IMMP2L: variants seen among roughly 807,000 people sequenced by gnomAD.
IMMP2L encodes the protein inner mitochondrial membrane peptidase subunit 2, also known as mitochondrial inner membrane protease subunit 2.
Under a neutral mutation model 19.3 loss-of-function variants are expected in IMMP2L, and 18 were observed. The observed-to-expected ratio is 0.93, with a 90% CI of 0.64 to 1.38. IMMP2L has a LOEUF of 1.38. IMMP2L is among the 40% of genes most tolerant of loss of function. The pLI is 0.00. For missense variants in IMMP2L, 233 were observed against 218.2 expected (o/e 1.07, Z -0.43); for synonymous variants, 76 against 73.0 (o/e 1.04, Z -0.21).
At chr7:111,046,460 A>C (rs1278717323) in intron 3 of IMMP2L, among the ~76,000 whole-genome samples, 1 of 152,146 alleles carries the variant, frequency 6.6e-6, no homozygotes, top group Non-Finnish European at 1.5e-5. Flanking sequence ...GAACTGAATA[A>C]AGATATATAG....
intron 3 of IMMP2L, among the ~76,000 whole-genome samples, chr7:111,442,572 C>G (rs2131805714): frequency 6.6e-6 from 1 of 151,838 alleles, no homozygotes; most frequent in South Asian, 2.1e-4. Context: ...AGATACATCT[C>G]AAACCTTCAG....
intron 3 of IMMP2L, among the ~76,000 whole-genome samples, chr7:111,066,777 C>T (rs1794542474): frequency 6.6e-6 from 1 of 152,160 alleles, no homozygotes; most frequent in African/African-American, 2.4e-5. Context: ...GGCCTTGGGT[C>T]ATGCTAGAGA....
chr7:111,364,535 T>A (rs1416708020), intron 3 of IMMP2L, among the ~76,000 whole-genome samples: 1 of 150,796 alleles, frequency 6.6e-6, no homozygotes, highest in African/African-American at 2.4e-5. Flanking sequence ...CTCGGCAGGC[T>A]GAGACACAAG....
chr7:111,197,019 G>A (rs954953929), intron 3 of IMMP2L, among the ~76,000 whole-genome samples: 4 of 152,042 alleles, frequency 2.6e-5, no homozygotes, highest in Admixed American at 6.6e-5. Context: ...AAACTTCCAC[G>A]AACTCTCTTG....
Position 111,081,913 on chromosome 7 carries a change from A to G in IMMP2L, c.240-118348T>C, listed in dbSNP as rs76411107. Reference sequence around the variant, plus strand: ...AACCCTACTTTCCAGAGTGAGGAAGAAAGAATGATTGCCTGATATTTTAAG... The same window carrying G: ...AACCCTACTTTCCAGAGTGAGGAAGGAAGAATGATTGCCTGATATTTTAAG... On this transcript the variant is annotated intron_variant, in intron 3 of 5. Coordinates refer to ENST00000405709, the MANE Select transcript of IMMP2L (RefSeq NM_032549.4). Among the ~76,000 whole-genome samples the G allele has an allele frequency of 9.6e-3, 1,457 of 152,346 alleles. 24 individuals are homozygous for G. Among genetic ancestry groups the G allele is most frequent in the African/African-American group, 0.033 (1,375 of 41,572 alleles).
chr7:110,760,905 G>T lies in IMMP2L; in HGVS notation c.409-97184C>A, dbSNP rs938617490. On this transcript the variant is annotated intron_variant, in intron 5 of 5. Coordinates refer to ENST00000405709, the MANE Select transcript of IMMP2L (RefSeq NM_032549.4). This position sits in a 1 kb window ranked among gnomAD's most constrained non-coding sequence, Gnocchi z 4.2. The stretch of plus-strand genomic sequence containing the variant: ...CCAACAAGCCACAGGAGCCAGAGAA[G>T]TCAAACCAGATGTATAAGTGACATA... 1.3e-5 allele frequency among the ~76,000 whole-genome samples: 2 copies of T among 152,120 alleles called. No homozygotes were observed. Among genetic ancestry groups the T allele is most frequent in the African/African-American group, 4.8e-5 (2 of 41,438 alleles).
chr7:111,189,290 G>A (rs1170535665), intron 3 of IMMP2L, among the ~76,000 whole-genome samples: 2 of 151,736 alleles, frequency 1.3e-5, no homozygotes, highest in Non-Finnish European at 2.9e-5. Flanking sequence ...TTGCCTTTGT[G>A]GTGTCAGAAG....
intron 3 of IMMP2L, among the ~76,000 whole-genome samples, chr7:111,333,170 G>A (rs1826044536): frequency 1.3e-5 from 2 of 152,178 alleles, no homozygotes; most frequent in South Asian, 4.1e-4. Context: ...GAAGAAGGTA[G>A]TCATCAATAC....
At chr7:111,082,128 G>A (rs1182928876) in intron 3 of IMMP2L, among the ~76,000 whole-genome samples, 1 of 152,146 alleles carries the variant, frequency 6.6e-6, no homozygotes, top group African/African-American at 2.4e-5. Context: ...GTCTGACTCT[G>A]AACATGTGTT....
chr7:111,117,619 G>A (rs2129586254), intron 3 of IMMP2L, among the ~76,000 whole-genome samples: 1 of 152,102 alleles, frequency 6.6e-6, no homozygotes, highest in South Asian at 2.1e-4. Context: ...CTTTTACAAG[G>A]ATGCATTTAG....
intron 5 of IMMP2L, among the ~76,000 whole-genome samples, chr7:110,669,632 T>C (rs534510025): frequency 3.5e-4 from 53 of 152,300 alleles, no homozygotes; most frequent in African/African-American, 1.3e-3. Flanking sequence ...TCTGAATGAC[T>C]TACACATACT....
intron 3 of IMMP2L, among the ~76,000 whole-genome samples, chr7:111,307,624 T>C (rs1457802622): frequency 6.6e-6 from 1 of 151,542 alleles, no homozygotes; most frequent in African/African-American, 2.4e-5. Context: ...ATATATAGTA[T>C]TTATTAAATC....
chr7:111,215,605 A>G (rs1811847817), intron 3 of IMMP2L, among the ~76,000 whole-genome samples: 1 of 152,174 alleles, frequency 6.6e-6, no homozygotes, highest in Non-Finnish European at 1.5e-5. Flanking sequence ...TCAATAATAA[A>G]AGAAAGGTTA....
At chr7:111,458,518 T>C (rs537441771) in intron 3 of IMMP2L, among the ~76,000 whole-genome samples, 1 of 152,230 alleles carries the variant, frequency 6.6e-6, no homozygotes, top group South Asian at 2.1e-4. Context: ...AATAAAATTG[T>C]TCCTCCTATC....
chr7:110,720,167 A>G (rs1400184279), intron 5 of IMMP2L, among the ~76,000 whole-genome samples: 1 of 152,180 alleles, frequency 6.6e-6, no homozygotes, highest in Admixed American at 6.5e-5. Context: ...GCCATTAACT[A>G]CAAAGCCAAA....
rs531440783 is a variant in IMMP2L at position 111,329,410 on chromosome 7, TGCCAGTA to T, written c.239+157821_239+157827del. Among the ~76,000 whole-genome samples, 13 of 152,046 alleles carry T rather than the reference TGCCAGTA, an allele frequency of 8.6e-5. No individual in the cohort carries two copies. The East Asian group carries it at 2.5e-3, about 29-fold the overall frequency. On this transcript the variant is annotated intron_variant, in intron 3 of 5. Coordinates refer to ENST00000405709, the MANE Select transcript of IMMP2L (RefSeq NM_032549.4). Reference sequence around the variant, plus strand: ...CCTACCTACCTCTCTCATGTGCTCCTGCCAGTAGCCTTCATGGAGACCAAGAGCAGTT... The same window carrying T: ...CCTACCTACCTCTCTCATGTGCTCCTGCCTTCATGGAGACCAAGAGCAGTT...
chr7:111,089,265 G>A (rs1339110080), intron 3 of IMMP2L, among the ~76,000 whole-genome samples: 1 of 152,032 alleles, frequency 6.6e-6, no homozygotes, highest in Non-Finnish European at 1.5e-5. Flanking sequence ...CAAGAGAGGA[G>A]TTTAATCATG....
In IMMP2L at chr7:110,844,731, G is replaced by A. The variant is rs112048801; in HGVS notation, c.408+41862C>T. 1.4e-4 allele frequency among the ~76,000 whole-genome samples: 9 copies of A among 65,038 alleles called. 1 individual carries two copies. Among genetic ancestry groups the A allele is most frequent in the African/African-American group, 5.8e-4 (9 of 15,544 alleles). 42.7% of individuals were successfully genotyped at this position (65,038 alleles called of 152,430 possible). ...ACAGCAGTCCAGAAGGAGAGATGGT[G>A]AAGCTACAACCTAAAAGACAGCATG... is the stretch of plus-strand genomic sequence containing the variant. On this transcript the variant is annotated intron_variant, in intron 5 of 5. Transcript: ENST00000405709.
chr7:111,230,334 C>T (rs1813579104), intron 3 of IMMP2L, among the ~76,000 whole-genome samples: 1 of 151,946 alleles, frequency 6.6e-6, no homozygotes. Context: ...GATACCAATT[C>T]AAACACTAGC....
Sources: gnomAD v4.1 joint callset for allele counts (sites outside exome capture counted in the v4.1 genomes callset) on GRCh38, gnomAD v4.1.1 for gene constraint, Gnocchi (gnomAD v3.1) non-coding constraint, MANE v1.5 for transcripts, NCBI Gene and HGNC (gene_info 2026-07-23, HGNC 2026-07-21) for gene names.